CUL9: variants seen among roughly 807,000 people sequenced by gnomAD.
CUL9 encodes the protein cullin-9.
A neutral mutation model predicts 272.6 loss-of-function variants in CUL9; 79 were observed. The ratio of observed to expected loss-of-function variants is 0.29; its 90% CI spans 0.24 to 0.35. CUL9 has a LOEUF of 0.35. Ranked by LOEUF, CUL9 falls within the 10% of genes least tolerant of loss-of-function variation. The pLI is 1.00. For missense variants in CUL9, 2,532 were observed against 3,255.6 expected, an observed-to-expected ratio of 0.78 and a Z score of 5.41; for synonymous variants, 1,186 against 1,286.5, an observed-to-expected ratio of 0.92 and a Z score of 1.67.
intron 26 of CUL9, among the ~76,000 whole-genome samples, chr6:43,209,753 C>G (rs1348270741): frequency 6.6e-6 from 1 of 151,504 alleles, no homozygotes; most frequent in African/African-American, 2.4e-5. Flanking sequence ...TCAAGTGATT[C>G]TCCTGCCTCA....
At chr6:43,192,305 C>T (rs556669009) in intron 8 of CUL9, among the ~76,000 whole-genome samples, 19 of 152,150 alleles carry the variant, frequency 1.2e-4, no homozygotes, top group South Asian at 6.2e-4. Flanking sequence ...GCCTCAGCCT[C>T]TCAAAGTGCT....
intron 8 of CUL9, among the ~76,000 whole-genome samples, chr6:43,189,774 C>T (rs1167389296): frequency 6.6e-6 from 1 of 151,990 alleles, no homozygotes; most frequent in Non-Finnish European, 1.5e-5. Context: ...AACTCCTAAC[C>T]TCAGATGATC....
In CUL9 at chr6:43,223,527, C is replaced by T; in HGVS notation, c.7284+130C>T. 7.7e-7 allele frequency: 1 copy of T among 1,296,756 alleles called. No homozygotes were observed. The highest frequency in any genetic ancestry group is 1.0e-6 in the Non-Finnish European group (1 of 958,788). The allele number at this position is 1,296,756 out of a possible 1,614,324, so 80.3% of individuals were successfully genotyped here. A position where few individuals can be genotyped will look rare whatever the true frequency, so the allele number is the denominator to read the frequency against. The stretch of plus-strand genomic sequence containing the variant: ...GCAAAGCGGGTGAATGGATGTTAGA[C>T]CTGGGCGCACATCCCGGCTTTTGGG... On this transcript the variant is annotated intron_variant, in intron 39 of 40. Transcript: ENST00000252050. The surrounding 1 kb of genome is among the most constrained non-coding windows in gnomAD (Gnocchi z 4.1).
rs755020493 is a variant in CUL9, at chr6:43,213,184, C to G, written c.5248C>G (p.Arg1750Gly). 1.2e-6 allele frequency: 2 copies of G among 1,614,188 alleles called. No individual in the cohort carries two copies. Among genetic ancestry groups the G allele is most frequent in the Non-Finnish European group, 1.7e-6 (2 of 1,180,038 alleles). ...TCCAGTCCTGGACATGGGACCACAT[C>G]GGCGACTGCAGTGGACGTGGCTGGG... ...NHPVLDMGPH[R>G]RLQWTWLGRA... The change falls in exon 27 of 41, where the codon CGG (arginine) becomes GGG (glycine). Residue 1750 changes from arginine to glycine, a missense_variant. Coordinates refer to ENST00000252050, the MANE Select transcript of CUL9 (RefSeq NM_015089.4). The surrounding 1 kb of genome is among the most constrained non-coding windows in gnomAD (Gnocchi z 5.7).
intron 8 of CUL9, among the ~76,000 whole-genome samples, chr6:43,191,903 G>T (rs1218450394): frequency 1.3e-5 from 2 of 148,178 alleles, no homozygotes; most frequent in African/African-American, 5.0e-5. Flanking sequence ...ATTTTAAATG[G>T]TTCTTCCTTT....
chr6:43,206,124 G>C lies in CUL9; in HGVS notation c.4911G>C (p.Leu1637=). The C allele has an allele frequency of 6.8e-6, 11 of 1,614,152 alleles. No homozygotes were observed. The highest frequency in any genetic ancestry group is 9.3e-6 in the Non-Finnish European group (11 of 1,180,022). Residue 1637 remains leucine (L), a synonymous_variant, in exon 25 of 41, where the codon CTG becomes CTC. Transcript: ENST00000252050. This position sits in a 1 kb window ranked among gnomAD's most constrained non-coding sequence, Gnocchi z 4.8. ...TCCCACAGCTGATGCTGCAGAGCCT[G>C]AGCACCTCTGAGGAGCTGCAGCGCC... ...NRLPQLMLQS[L]STSEELQRQF... is the part of the protein sequence containing the mutation.
rs539204809 is a variant in CUL9 at position 43,199,381 on chromosome 6, C to G, written c.3156+10C>G. The stretch of plus-strand genomic sequence containing the variant: ...TAGCAGTGACTCCGAGGTACCAGAA[C>G]CCTGGCAAGGAGAAGAGAGGGAAGG... On this transcript the variant is annotated intron_variant, in intron 13 of 40. Coordinates refer to ENST00000252050, the MANE Select transcript of CUL9 (RefSeq NM_015089.4). This position sits in a 1 kb window ranked among gnomAD's most constrained non-coding sequence, Gnocchi z 4.4. 1 of 1,606,118 alleles carries G rather than the reference C, an allele frequency of 6.2e-7. No individual in the cohort carries two copies. Among genetic ancestry groups the G allele is most frequent in the African/African-American group, 1.3e-5 (1 of 74,844 alleles).
chr6:43,194,104 G>T (rs1230002384), intron 9 of CUL9, among the ~76,000 whole-genome samples: 1 of 152,104 alleles, frequency 6.6e-6, no homozygotes, highest in African/African-American at 2.4e-5. Context: ...TGGCTGGTAG[G>T]GTGGTGTGGG....
rs760758978 is a variant in CUL9, at chr6:43,221,331, G to A, written c.6752+10G>A. 11 of 1,596,198 alleles carry A rather than the reference G, an allele frequency of 6.9e-6. No individual in the cohort carries two copies. Among genetic ancestry groups the A allele is most frequent in the Non-Finnish European group, 9.4e-6 (11 of 1,176,458 alleles). ...ACGAGGGGTGCCTGCAGTAAGAAGG[G>A]GGGTACTGTGGGGAGCCAGAGGGCA... On this transcript the variant is annotated intron_variant, in intron 34 of 40. Coordinates refer to ENST00000252050, the MANE Select transcript of CUL9 (RefSeq NM_015089.4). The surrounding 1 kb of genome is among the most constrained non-coding windows in gnomAD (Gnocchi z 4.2).
In CUL9 at chr6:43,200,269, G is replaced by C; in HGVS notation, c.3384+113G>C. The C allele has an allele frequency of 6.9e-7, 1 of 1,444,064 alleles. No homozygotes were observed. Among genetic ancestry groups the C allele is most frequent in the Non-Finnish European group, 9.5e-7 (1 of 1,051,044 alleles). The allele number at this position is 1,444,064 out of a possible 1,614,324, so 89.5% of individuals were successfully genotyped here. A position where few individuals can be genotyped will look rare whatever the true frequency, so the allele number is the denominator to read the frequency against. ...GTTTGGCACAGGTTGTAGCAAATCT[G>C]GGGCACTTGTTTCCTAACCTTGACT... On this transcript the variant is annotated intron_variant, in intron 14 of 40. Transcript: ENST00000252050. The surrounding 1 kb of genome is among the most constrained non-coding windows in gnomAD (Gnocchi z 4.0).
Position 43,204,947 on chromosome 6 carries a change from G to T in CUL9, c.4464G>T (p.Leu1488=), listed in dbSNP as rs374632067. 36 of 1,608,202 alleles carry T rather than the reference G, an allele frequency of 2.2e-5. No individual in the cohort carries two copies. Among genetic ancestry groups the T allele is most frequent in the Non-Finnish European group, 2.9e-5 (34 of 1,176,048 alleles). ...SVVQEQVSRF[L]AAAWRAPDFV... Reference sequence around the variant, plus strand: ...TTTCTCCTCAGGTCAGCAGATTCCTGGCTGCAGCTTGGAGGGCCCCAGACT... The same window carrying T: ...TTTCTCCTCAGGTCAGCAGATTCCTTGCTGCAGCTTGGAGGGCCCCAGACT... The change falls in exon 23 of 41, where the codon CTG becomes CTT. Residue 1488 remains leucine (L), a synonymous_variant. Coordinates refer to ENST00000252050, the MANE Select transcript of CUL9 (RefSeq NM_015089.4).
At chr6:43,219,271 G>C (rs150316535) in intron 31 of CUL9, among the ~76,000 whole-genome samples, 16 of 152,312 alleles carry the variant, frequency 1.1e-4, no homozygotes, top group Non-Finnish European at 1.9e-4. Flanking sequence ...GCAAGGAGGA[G>C]CCTGTGCAGC....
rs1776054333 is a variant in CUL9 at position 43,218,007 on chromosome 6, A to G, written c.6282+1504A>G. 2.0e-5 allele frequency among the ~76,000 whole-genome samples: 3 copies of G among 152,094 alleles called. No individual in the cohort carries two copies. The highest frequency in any genetic ancestry group is 4.4e-5 in the Non-Finnish European group (3 of 68,022). ...GAGGGAGACACTCAGAGGTGAAGTA[A>G]TTTGCCAAAGGTCAGGATTTGAATT... On this transcript the variant is annotated intron_variant, in intron 31 of 40. Transcript: ENST00000252050. This position sits in a 1 kb window ranked among gnomAD's most constrained non-coding sequence, Gnocchi z 4.4.
Position 43,206,295 on chromosome 6 carries a change from G to A in CUL9, c.5023-26G>A, listed in dbSNP as rs1245376447. The A allele has an allele frequency of 5.6e-6, 9 of 1,613,036 alleles. No homozygotes were observed. In the East Asian group the frequency reaches 1.3e-4, roughly 24 times the overall value. On this transcript the variant is annotated intron_variant, in intron 25 of 40. Coordinates refer to ENST00000252050, the MANE Select transcript of CUL9 (RefSeq NM_015089.4). This position sits in a 1 kb window ranked among gnomAD's most constrained non-coding sequence, Gnocchi z 4.8. ...CTAGACCAAGGAAGGGAGCCCAAGGGCCCTTGAAATCCTTCTGTCCCTCAG... is the reference window on the plus strand; with the variant it reads ...CTAGACCAAGGAAGGGAGCCCAAGGACCCTTGAAATCCTTCTGTCCCTCAG...
Position 43,221,537 on chromosome 6 carries a change from G to A in CUL9, c.6753-148G>A. 8.1e-6 allele frequency: 7 copies of A among 860,900 alleles called. No individual in the cohort carries two copies. The South Asian group carries it at 8.3e-5, about 10-fold the overall frequency. 53.3% of individuals were successfully genotyped at this position (860,900 alleles called of 1,614,324 possible). On this transcript the variant is annotated intron_variant, in intron 34 of 40. Transcript: ENST00000252050. The surrounding 1 kb of genome is among the most constrained non-coding windows in gnomAD (Gnocchi z 4.2). ...ACTGGGGGAGTTCAAAAGCAGAGGT[G>A]CATTCAGCAGGGCTGGGTATGACTA... is the stretch of plus-strand genomic sequence containing the variant.
In CUL9 at chr6:43,220,033, T is replaced by C. The variant is rs1268369994; in HGVS notation, c.6283-426T>C. Among the ~76,000 whole-genome samples the C allele has an allele frequency of 2.0e-5, 3 of 152,246 alleles. No homozygotes were observed. Among genetic ancestry groups the C allele is most frequent in the Non-Finnish European group, 2.9e-5 (2 of 68,002 alleles). The stretch of plus-strand genomic sequence containing the variant: ...AGAGACAGGAGCATCCGGACGGTCA[T>C]TGGAGATAAGCCACTGGAGCTGGGA... On this transcript the variant is annotated intron_variant, in intron 31 of 40. Transcript: ENST00000252050. This position sits in a 1 kb window ranked among gnomAD's most constrained non-coding sequence, Gnocchi z 4.9.
At position 43,218,014 on chromosome 6, in the gene CUL9, AAAGGTCAGG is replaced by A. The variant is rs1776055210; in HGVS notation, c.6282+1513_6282+1521del. ...ACACTCAGAGGTGAAGTAATTTGCC[AAAGGTCAGG>A]ATTTGAATTTTGGCAGTCTCAGGCA... On this transcript the variant is annotated intron_variant, in intron 31 of 40. Transcript: ENST00000252050. This position sits in a 1 kb window ranked among gnomAD's most constrained non-coding sequence, Gnocchi z 4.4. Among the ~76,000 whole-genome samples the A allele has an allele frequency of 6.6e-6, 1 of 152,160 alleles. No individual in the cohort carries two copies. Among genetic ancestry groups the A allele is most frequent in the Non-Finnish European group, 1.5e-5 (1 of 68,020 alleles).
Position 43,210,532 on chromosome 6 carries a change from C to T in CUL9, c.5213-2617C>T, listed in dbSNP as rs111541414. Among the ~76,000 whole-genome samples, 295 of 152,200 alleles carry T rather than the reference C, an allele frequency of 1.9e-3. 1 individual carries two copies. The highest frequency in any genetic ancestry group is 4.1e-3 in the African/African-American group (170 of 41,524). On this transcript the variant is annotated intron_variant, in intron 26 of 40. Transcript: ENST00000252050. ...TTGCTACAATTAATAAGCAGTCTGT[C>T]GGGGGAGATACTTTAAAATCATGCC...
At chr6:43,212,890 G>C in intron 26 of CUL9, 1 of 420,818 alleles carries the variant, frequency 2.4e-6, no homozygotes, top group Admixed American at 4.0e-5. Context: ...TTTTCTCTCT[G>C]GTGTTTTTGC....
Sources: allele counts gnomAD v4.1 joint callset (sites outside exome capture counted in the v4.1 genomes callset), GRCh38; gene constraint gnomAD v4.1.1; non-coding constraint Gnocchi (gnomAD v3.1); transcripts MANE v1.5; gene names NCBI Gene and HGNC (gene_info 2026-07-23, HGNC 2026-07-21).